ADD2: variants seen among roughly 807,000 people sequenced by gnomAD.
The protein encoded by ADD2 is adducin 2.
Under a neutral mutation model 83.0 loss-of-function variants are expected in ADD2, and 23 were observed. That is an observed-to-expected ratio of 0.28 (90% CI 0.20 to 0.39). ADD2 has a LOEUF of 0.39. Among genes scored for constraint, ADD2 ranks in the 10% least tolerant of loss-of-function variants. ADD2 has a pLI of 1.00. For missense variants in ADD2, 758 were observed against 944.9 expected, an observed-to-expected ratio of 0.80 and a Z score of 2.59; for synonymous variants, 375 against 375.4, an observed-to-expected ratio of 1.00 and a Z score of 0.01.
chr2:70,768,012 C>T lies in ADD2; in HGVS notation c.-280G>A, dbSNP rs2104582074. On this transcript the variant is annotated 5_prime_UTR_variant, in exon 1 of 16. Coordinates refer to ENST00000264436, the MANE Select transcript of ADD2 (RefSeq NM_001617.4). ...TAATCTGCAGGGCAGCGTTTTCTGC[C>T]CATGCTGCAGCCCGCGCTCGTCAGA... The T allele has an allele frequency of 1.3e-5, 19 of 1,517,758 alleles. No homozygotes were observed. In the South Asian group the frequency reaches 2.2e-4, roughly 18 times the overall value. 94.0% of individuals were successfully genotyped at this position (1,517,758 alleles called of 1,614,324 possible). A position where few individuals can be genotyped will look rare whatever the true frequency, so the allele number is the denominator to read the frequency against.
rs782510605 is a variant in ADD2, at chr2:70,706,370, C to T, written c.39G>A (p.Pro13=). The part of the protein sequence containing the change: ...EETVPEAASP[P]PPQGQPYFDR... Reference sequence around the variant, plus strand: ...CAAAGTAAGGCTGCCCCTGCGGGGGCGGCGGCGAGGCAGCCTCGGGGACCG... The same window carrying T: ...CAAAGTAAGGCTGCCCCTGCGGGGGTGGCGGCGAGGCAGCCTCGGGGACCG... Residue 13 remains proline, a synonymous_variant, in exon 3 of 16, where the codon CCG becomes CCA. Transcript: ENST00000264436. This position sits in a 1 kb window ranked among gnomAD's most constrained non-coding sequence, Gnocchi z 5.0. 33 of 1,611,390 alleles carry T rather than the reference C, an allele frequency of 2.0e-5. No individual in the cohort carries two copies. The highest frequency in any genetic ancestry group is 4.4e-5 in the South Asian group (4 of 90,934).
intron 13 of ADD2, chr2:70,675,396 A>C: frequency 1.0e-6 from 1 of 985,698 alleles, no homozygotes. Flanking sequence ...CCTGAGTCTC[A>C]GATCTTCAAC....
rs181638762 is a variant in ADD2 at position 70,762,052 on chromosome 2, A to G, written c.-154+5834T>C. On this transcript the variant is annotated intron_variant, in intron 1 of 15. Transcript: ENST00000264436. Reference sequence around the variant, plus strand: ...TTCCCTTTTATCTAAAGAACAAGGGACTCTTACACTACATTTAAGTTAAGA... The same window carrying G: ...TTCCCTTTTATCTAAAGAACAAGGGGCTCTTACACTACATTTAAGTTAAGA... Among the ~76,000 whole-genome samples the G allele has an allele frequency of 2.0e-3, 304 of 151,764 alleles. 2 individuals carry two copies. Among genetic ancestry groups the G allele is most frequent in the Non-Finnish European group, 3.4e-3 (228 of 67,994 alleles).
intron 7 of ADD2, among the ~76,000 whole-genome samples, chr2:70,691,400 G>C (rs543386592): frequency 6.6e-6 from 1 of 152,156 alleles, no homozygotes; most frequent in African/African-American, 2.4e-5. Context: ...CAAACAGAGA[G>C]GCCCATTGAA....
intron 4 of ADD2, among the ~76,000 whole-genome samples, chr2:70,700,537 A>G (rs1395155458): frequency 6.6e-6 from 1 of 152,156 alleles, no homozygotes; most frequent in Non-Finnish European, 1.5e-5. Context: ...CTGCTCTAGA[A>G]AATACATAAA....
chr2:70,716,967 A>G (rs1332690421), intron 1 of ADD2, among the ~76,000 whole-genome samples: 2 of 152,128 alleles, frequency 1.3e-5, no homozygotes, highest in Non-Finnish European at 2.9e-5. Context: ...GTAATATTAC[A>G]TACCATGCAT....
intron 7 of ADD2, among the ~76,000 whole-genome samples, chr2:70,692,049 G>A (rs542556583): frequency 1.3e-5 from 2 of 152,328 alleles, no homozygotes; most frequent in Admixed American, 1.3e-4. Flanking sequence ...CACAGTCCAG[G>A]TTCCCACTAA....
chr2:70,713,234 T>G (rs2104411823), intron 1 of ADD2, 50 bp from the exon 2 acceptor site: 1 of 746,154 alleles, frequency 1.3e-6, no homozygotes, highest in Admixed American at 6.3e-5. Flanking sequence ...ACCATGACTC[T>G]TCACCTGATT....
At chr2:70,736,568 T>G (rs1375177632) in intron 1 of ADD2, among the ~76,000 whole-genome samples, 1 of 152,228 alleles carries the variant, frequency 6.6e-6, no homozygotes, top group Non-Finnish European at 1.5e-5. Context: ...AGTTGAAATT[T>G]CTAAACCAAG....
chr2:70,672,311 C>T (rs1417808020), intron 15 of ADD2, among the ~76,000 whole-genome samples: 9 of 152,192 alleles, frequency 5.9e-5, no homozygotes, highest in Non-Finnish European at 8.8e-5. Context: ...CCTGGAGAGA[C>T]GTGAAAACTC....
chr2:70,663,199 T>C lies in ADD2; in HGVS notation c.*226A>G, dbSNP rs1675604126. ...GGAAGTCAGGAGACCTGAATTCGAG[T>C]GCAGGCTCTGCCGCTAACTAGCTGT... On this transcript the variant is annotated 3_prime_UTR_variant, in exon 16 of 16. Transcript: ENST00000264436. 2 of 538,408 alleles carry C rather than the reference T, an allele frequency of 3.7e-6. No individual in the cohort carries two copies. Among genetic ancestry groups the C allele is most frequent in the Non-Finnish European group, 6.6e-6 (2 of 302,422 alleles). 33.4% of individuals were successfully genotyped at this position (538,408 alleles called of 1,614,324 possible).
At chr2:70,729,846 C>T (rs1365908010) in intron 1 of ADD2, among the ~76,000 whole-genome samples, 1 of 152,182 alleles carries the variant, frequency 6.6e-6, no homozygotes, top group Non-Finnish European at 1.5e-5. Context: ...ACAACCAGGT[C>T]ACTGCCTGCT....
In ADD2 at chr2:70,663,378, A is replaced by G; in HGVS notation, c.*47T>C. The stretch of plus-strand genomic sequence containing the variant: ...GCAGGGACAGAGATGGGAGAAGGGA[A>G]GGGGAGGAGAGAGAGGAGGCAGGAG... On this transcript the variant is annotated 3_prime_UTR_variant, in exon 16 of 16. Coordinates refer to ENST00000264436, the MANE Select transcript of ADD2 (RefSeq NM_001617.4). The G allele has an allele frequency of 1.3e-6, 2 of 1,545,672 alleles. No homozygotes were observed. Among genetic ancestry groups the G allele is most frequent in the African/African-American group, 2.7e-5 (2 of 73,362 alleles).
chr2:70,706,414 C>G lies in ADD2; in HGVS notation c.-6G>C, dbSNP rs199889944. 11 of 1,600,138 alleles carry G rather than the reference C, an allele frequency of 6.9e-6. No homozygotes were observed. In the African/African-American group the frequency reaches 1.1e-4, roughly 16 times the overall value. ...GGGACCGTCTCTTCGCTCATTTTCC[C>G]GGTGGGTTTGCAATTCGCTCCTGGA... On this transcript the variant is annotated 5_prime_UTR_variant, in exon 3 of 16. Coordinates refer to ENST00000264436, the MANE Select transcript of ADD2 (RefSeq NM_001617.4). This position sits in a 1 kb window ranked among gnomAD's most constrained non-coding sequence, Gnocchi z 5.0.
intron 1 of ADD2, among the ~76,000 whole-genome samples, chr2:70,764,582 A>G (rs1361255325): frequency 6.6e-6 from 1 of 152,002 alleles, no homozygotes; most frequent in Non-Finnish European, 1.5e-5. Flanking sequence ...CCTTGCCATC[A>G]AGATGATCCA....
Position 70,678,799 on chromosome 2 carries a change from TCTC to T in ADD2, c.1285_1287del (p.Glu429del), listed in dbSNP as rs1670308927. ...TTGGGCGTATTGAGCCAGCGGGTCTTCTCCTTCTGCTGCTTCTGGGCATGCTGT... is the reference window on the plus strand; with the variant it reads ...TTGGGCGTATTGAGCCAGCGGGTCTTCTTCTGCTGCTTCTGGGCATGCTGT... On this transcript the variant is annotated inframe_deletion, in exon 11 of 16. Transcript: ENST00000264436. 6.2e-7 allele frequency: 1 copy of T among 1,614,072 alleles called. No individual in the cohort carries two copies. The highest frequency in any genetic ancestry group is 2.2e-5 in the East Asian group (1 of 44,880).
Position 70,676,846 on chromosome 2 carries a change from G to T in ADD2, c.1543C>A (p.Pro515Thr). ...QNRQDVKSAG[P>T]QSQLLASVIA... ...ACGCTCGCCAGGAGCTGGGACTGAG[G>T]CCCCGCTGACTTCACATCTTGTCGG... The change falls in exon 13 of 16, where the codon CCT (proline) becomes ACT (threonine). Residue 515 changes from proline (P) to threonine (T), a missense_variant. Around this residue, in one of 5 missense-constraint regions of ADD2, gnomAD observed 394 missense variants for 509.3 expected, o/e 0.77. Coordinates refer to ENST00000264436, the MANE Select transcript of ADD2 (RefSeq NM_001617.4). The surrounding 1 kb of genome is among the most constrained non-coding windows in gnomAD (Gnocchi z 4.8). 6.2e-7 allele frequency: 1 copy of T among 1,614,170 alleles called. No homozygotes were observed. The highest frequency in any genetic ancestry group is 8.5e-7 in the Non-Finnish European group (1 of 1,179,996).
chr2:70,761,799 G>A (rs1675118665), intron 1 of ADD2, among the ~76,000 whole-genome samples: 1 of 150,376 alleles, frequency 6.6e-6, no homozygotes, highest in Non-Finnish European at 1.5e-5. Context: ...AGCCTCCCGA[G>A]TAGCTGGGAC....
intron 2 of ADD2, among the ~76,000 whole-genome samples, chr2:70,710,274 A>G (rs943174284): frequency 1.3e-5 from 2 of 152,194 alleles, no homozygotes; most frequent in African/African-American, 2.4e-5. Flanking sequence ...ACAGCCTTGT[A>G]CTGAGCCTTC....
Sources: gnomAD v4.1 joint callset for allele counts (sites outside exome capture counted in the v4.1 genomes callset) on GRCh38, gnomAD v4.1.1 for gene constraint, gnomAD v4.1.1 regional missense constraint, Gnocchi (gnomAD v3.1) non-coding constraint, MANE v1.5 for transcripts, NCBI Gene and HGNC (gene_info 2026-07-23, HGNC 2026-07-21) for gene names.